The following MSRA variants were observed in gnomAD, a reference collection of about 807,000 sequenced individuals.
The protein encoded by MSRA is mitochondrial peptide methionine sulfoxide reductase.
Under a neutral mutation model 31.3 loss-of-function variants are expected in MSRA, and 54 were observed. The ratio of observed to expected loss-of-function variants is 1.73; its 90% CI spans 1.39 to 2.17. MSRA has a LOEUF of 2.17. Ranked by LOEUF, MSRA falls within the 30% of genes most tolerant of loss-of-function variation. The pLI is 0.00. For synonymous variants in MSRA, 169 were observed against 116.5 expected (o/e 1.45, Z -2.90); for missense variants, 507 against 300.9 (o/e 1.69, Z -5.07).
intron 5 of MSRA, among the ~76,000 whole-genome samples, chr8:10,425,595 C>G (rs868635405): frequency 2.0e-5 from 3 of 152,190 alleles, no homozygotes; most frequent in African/African-American, 7.2e-5. Context: ...GGATCTCAGA[C>G]ACAGGCAGGC....
chr8:10,228,234 G>C (rs1811166649), intron 2 of MSRA, among the ~76,000 whole-genome samples: 1 of 152,138 alleles, frequency 6.6e-6, no homozygotes, highest in South Asian at 2.1e-4. Context: ...CGGAATTGAG[G>C]GTCCTTTTGT....
chr8:10,251,280 A>G (rs35222693), intron 3 of MSRA, among the ~76,000 whole-genome samples: 38,532 of 151,972 alleles, frequency 0.25, 5,369 homozygotes, highest in Admixed American at 0.36. Flanking sequence ...ATCTTACATG[A>G]GATGAATGAT....
At chr8:10,085,182 G>A (rs926735378) in intron 1 of MSRA, among the ~76,000 whole-genome samples, 1 of 152,144 alleles carries the variant, frequency 6.6e-6, no homozygotes, top group African/African-American at 2.4e-5. Flanking sequence ...GTGGGCCTCT[G>A]TTTTAGCCAG....
At chr8:10,193,175 G>C (rs560717133) in intron 1 of MSRA, among the ~76,000 whole-genome samples, 2 of 152,162 alleles carry the variant, frequency 1.3e-5, no homozygotes, top group East Asian at 3.9e-4. Flanking sequence ...AGTCACACTC[G>C]TCTTCTACAT....
At chr8:10,124,006 G>A (rs1397801185) in intron 1 of MSRA, among the ~76,000 whole-genome samples, 2 of 151,910 alleles carry the variant, frequency 1.3e-5, no homozygotes, top group African/African-American at 2.4e-5. Flanking sequence ...TAGAAGTTCT[G>A]GGAGGCTGAG....
intron 2 of MSRA, among the ~76,000 whole-genome samples, chr8:10,227,824 G>T (rs1005771191): frequency 6.6e-6 from 1 of 152,162 alleles, no homozygotes; most frequent in African/African-American, 2.4e-5. Context: ...TTAGCAGAAG[G>T]TATTTTCAAA....
intron 3 of MSRA, among the ~76,000 whole-genome samples, chr8:10,257,455 G>A (rs966824443): frequency 6.6e-6 from 1 of 152,170 alleles, no homozygotes; most frequent in African/African-American, 2.4e-5. Context: ...TGCCCAGGCT[G>A]GAGTGCAATG....
intron 1 of MSRA, among the ~76,000 whole-genome samples, chr8:10,139,697 T>C (rs1039535380): frequency 6.6e-6 from 1 of 152,256 alleles, no homozygotes; most frequent in Non-Finnish European, 1.5e-5. Flanking sequence ...TCATTCTTTT[T>C]CTTGGCTGAG....
chr8:10,221,105 T>A (rs1563234157), intron 2 of MSRA, among the ~76,000 whole-genome samples: 1 of 152,184 alleles, frequency 6.6e-6, no homozygotes, highest in Admixed American at 6.6e-5. Context: ...GGAGTCTGTG[T>A]GGGGCTCTGC....
At chr8:10,121,973 G>A (rs1801146870) in intron 1 of MSRA, among the ~76,000 whole-genome samples, 1 of 151,930 alleles carries the variant, frequency 6.6e-6, no homozygotes, top group African/African-American at 2.4e-5. Flanking sequence ...GAGCCACTGT[G>A]TAAATGTTTT....
chr8:10,233,335 C>T (rs925998106), intron 2 of MSRA, among the ~76,000 whole-genome samples: 1 of 152,024 alleles, frequency 6.6e-6, no homozygotes, highest in Non-Finnish European at 1.5e-5. Flanking sequence ...AACTCAAATT[C>T]TAAAGAATAT....
At chr8:10,405,059 A>T (rs1807717263) in intron 5 of MSRA, among the ~76,000 whole-genome samples, 1 of 152,106 alleles carries the variant, frequency 6.6e-6, no homozygotes, top group Admixed American at 6.5e-5. Context: ...GGTCTGGTGG[A>T]TGTCGGACAG....
chr8:10,201,827 C>T (rs549847182), intron 1 of MSRA, among the ~76,000 whole-genome samples: 2 of 152,248 alleles, frequency 1.3e-5, no homozygotes, highest in African/African-American at 4.8e-5. Flanking sequence ...AAATCTGTTT[C>T]TTGTCCTCAT....
At chr8:10,071,585 G>A (rs184658456) in intron 1 of MSRA, among the ~76,000 whole-genome samples, 13 of 151,218 alleles carry the variant, frequency 8.6e-5, no homozygotes, top group Non-Finnish European at 7.4e-5. Context: ...TTTGCCTTGC[G>A]TTGATCCTGG....
At chr8:10,411,843 G>C (rs892382629) in intron 5 of MSRA, among the ~76,000 whole-genome samples, 1 of 152,242 alleles carries the variant, frequency 6.6e-6, no homozygotes, top group Non-Finnish European at 1.5e-5. Flanking sequence ...TCTGCCAGCA[G>C]CTCCTAGCTA....
intron 1 of MSRA, among the ~76,000 whole-genome samples, chr8:10,179,718 C>G (rs561628014): frequency 1.2e-4 from 19 of 152,308 alleles, no homozygotes; most frequent in African/African-American, 4.6e-4. Context: ...CTCAGTTTAT[C>G]TGGCTTTCTC....
At chr8:10,280,723 A>C (rs1284074928) in intron 3 of MSRA, among the ~76,000 whole-genome samples, 1 of 152,234 alleles carries the variant, frequency 6.6e-6, no homozygotes, top group Non-Finnish European at 1.5e-5. Flanking sequence ...GTACACAAAT[A>C]TTTATAGCAG....
chr8:10,220,130 C>G (rs1459236299), intron 2 of MSRA, among the ~76,000 whole-genome samples: 2 of 152,168 alleles, frequency 1.3e-5, no homozygotes, highest in Non-Finnish European at 2.9e-5. Context: ...AGCCCACGAT[C>G]ATTGTATTAT....
intron 5 of MSRA, among the ~76,000 whole-genome samples, chr8:10,368,923 C>G (rs1034087023): frequency 6.6e-6 from 1 of 152,158 alleles, no homozygotes; most frequent in African/African-American, 2.4e-5. Context: ...CTACTGATCT[C>G]CAAGAGCTTA....
Sources: allele counts gnomAD v4.1 joint callset (sites outside exome capture counted in the v4.1 genomes callset), GRCh38; gene constraint gnomAD v4.1.1; transcripts MANE v1.5; gene names NCBI Gene and HGNC (gene_info 2026-07-23, HGNC 2026-07-21).